Variants in DMD observed in about 807,000 individuals in gnomAD.
DMD encodes mutant dystrophin.
A neutral mutation model predicts 330.1 loss-of-function variants in DMD; 63 were observed. The observed-to-expected ratio is 0.19, with a 90% CI of 0.16 to 0.24. DMD has a LOEUF of 0.24. Among genes scored for constraint, DMD ranks in the 10% least tolerant of loss-of-function variants. The pLI, the probability that DMD is intolerant of heterozygous loss-of-function variation, is 1.00. For missense variants in DMD, 3,344 were observed against 2,684.1 expected, an observed-to-expected ratio of 1.25 and a Z score of -5.43; for synonymous variants, 1,223 against 959.8, an observed-to-expected ratio of 1.27 and a Z score of -5.07.
chrX:31,359,877 T>A (rs2058847680), intron 60 of DMD, among the ~76,000 whole-genome samples: 1 of 112,116 alleles, frequency 8.9e-6, no homozygotes, highest in Non-Finnish European at 1.9e-5. Flanking sequence ...GCACTCGGTA[T>A]GTACTCATTT....
At chrX:31,381,542 G>A (rs942512774) in intron 60 of DMD, among the ~76,000 whole-genome samples, 3 of 111,411 alleles carry the variant, frequency 2.7e-5, no homozygotes, top group Non-Finnish European at 5.6e-5. Context: ...AATTACCATT[G>A]TTCCTGGCCC....
chrX:32,743,941 T>A (rs889811341), intron 7 of DMD, among the ~76,000 whole-genome samples: 1 of 111,442 alleles, frequency 9.0e-6, no homozygotes, highest in African/African-American at 3.3e-5. Context: ...AAAAAATATA[T>A]ACCTAAAATA....
At chrX:31,901,702 A>C (rs1329248836) in intron 47 of DMD, among the ~76,000 whole-genome samples, 2 of 111,813 alleles carry the variant, frequency 1.8e-5, no homozygotes, top group Non-Finnish European at 3.8e-5. Flanking sequence ...ACAACATCTT[A>C]TTAATATGAC....
At chrX:32,563,624 T>C (rs2051332053) in intron 16 of DMD, among the ~76,000 whole-genome samples, 1 of 111,595 alleles carries the variant, frequency 9.0e-6, no homozygotes, top group Non-Finnish European at 1.9e-5. Flanking sequence ...GCCTAGGTGG[T>C]GGTCTCATAA....
chrX:32,861,713 C>T (rs1158956233), intron 2 of DMD, among the ~76,000 whole-genome samples: 3 of 111,740 alleles, frequency 2.7e-5, no homozygotes. Flanking sequence ...CTCTCCCTCT[C>T]TTACCAAGGC....
At chrX:32,963,936 A>C (rs1266519309) in intron 2 of DMD, among the ~76,000 whole-genome samples, 1 of 111,587 alleles carries the variant, frequency 9.0e-6, no homozygotes, top group Non-Finnish European at 1.9e-5. Context: ...CAAAACAAAC[A>C]ACTGGATGAT....
intron 1 of DMD, among the ~76,000 whole-genome samples, chrX:33,088,206 G>A (rs2095035291): frequency 9.0e-6 from 1 of 110,858 alleles, no homozygotes; most frequent in African/African-American, 3.3e-5. Flanking sequence ...CAGGCATGCA[G>A]CTAATTTTTC....
chrX:31,724,839 A>T (rs2085891669), intron 52 of DMD, among the ~76,000 whole-genome samples: 1 of 112,037 alleles, frequency 8.9e-6, no homozygotes, highest in African/African-American at 3.2e-5. Context: ...AGATGAGAGA[A>T]CCACAGTTTA....
intron 55 of DMD, among the ~76,000 whole-genome samples, chrX:31,599,035 G>A (rs931201024): frequency 8.9e-6 from 1 of 111,843 alleles, no homozygotes; most frequent in Non-Finnish European, 1.9e-5. Context: ...TTTATGCGAT[G>A]TATAGAAAGA....
At chrX:32,496,857 C>T (rs376260677) in intron 19 of DMD, among the ~76,000 whole-genome samples, 18 of 112,208 alleles carry the variant, frequency 1.6e-4, no homozygotes, top group African/African-American at 5.5e-4. Context: ...AATCAAACTG[C>T]CCAGTACTGA....
At chrX:32,500,625 C>G (rs915074610) in intron 19 of DMD, among the ~76,000 whole-genome samples, 1 of 111,590 alleles carries the variant, frequency 9.0e-6, no homozygotes, top group Non-Finnish European at 1.9e-5. Context: ...TTTTATTTAA[C>G]ATGAATATGC....
chrX:31,914,887 A>G (rs777808085), intron 47 of DMD, among the ~76,000 whole-genome samples: 21 of 112,537 alleles, frequency 1.9e-4, no homozygotes, highest in Non-Finnish European at 3.0e-4. Context: ...ATAAGAGTAT[A>G]ATTGGATTGT....
At chrX:32,100,726 GTT>G (rs2096536106) in intron 44 of DMD, among the ~76,000 whole-genome samples, 2 of 110,908 alleles carry the variant, frequency 1.8e-5, no homozygotes, top group South Asian at 7.6e-4. Context: ...TTAGCTTTCT[GTT>G]TTGTTTGTTC....
At chrX:32,405,049 G>A (rs1410166910) in intron 30 of DMD, among the ~76,000 whole-genome samples, 1 of 111,793 alleles carries the variant, frequency 8.9e-6, no homozygotes, top group Non-Finnish European at 1.9e-5. Context: ...AGTCATAGAA[G>A]AGAATCTTTA....
At chrX:32,735,020 T>C (rs998888559) in intron 7 of DMD, among the ~76,000 whole-genome samples, 15 of 111,055 alleles carry the variant, frequency 1.4e-4, no homozygotes, top group African/African-American at 4.0e-4. Flanking sequence ...AAAACCCCAC[T>C]GTCTCAGCCT....
chrX:31,750,400 G>A (rs1191552781), intron 51 of DMD, among the ~76,000 whole-genome samples: 3 of 109,164 alleles, frequency 2.7e-5, no homozygotes, highest in Non-Finnish European at 5.7e-5. Flanking sequence ...ATTAAATAGG[G>A]AATCCTTTCC....
rs151307551 is a variant in DMD at position 31,674,475 on chromosome X, T to C, written c.7872+4900A>G. On this transcript the variant is annotated intron_variant, in intron 53 of 78. Transcript: ENST00000357033. Reference sequence around the variant, plus strand: ...AAAGTATTGAATTTCTTGCTTCAGATAGTTTTCAATATTATATAGCCAAAT... The same window carrying C: ...AAAGTATTGAATTTCTTGCTTCAGACAGTTTTCAATATTATATAGCCAAAT... Among the ~76,000 whole-genome samples the C allele has an allele frequency of 7.1e-4, 80 of 112,445 alleles. No homozygotes were observed. In the East Asian group the frequency reaches 0.02, roughly 28 times the overall value.
At chrX:32,573,476 A>T (rs1350972279) in intron 15 of DMD, 54 bp downstream of exon 15, 42 of 931,152 alleles carry the variant, frequency 4.5e-5, no homozygotes, top group Non-Finnish European at 6.2e-5. Context: ...AATAATAGTG[A>T]TAATATACAG....
At chrX:31,688,016 T>G (rs761281252) in intron 52 of DMD, among the ~76,000 whole-genome samples, 1 of 111,312 alleles carries the variant, frequency 9.0e-6, no homozygotes, top group African/African-American at 3.3e-5. Flanking sequence ...CCAATAACTC[T>G]TAGATTGACC....
Sources: gnomAD v4.1 joint callset for allele counts (sites outside exome capture counted in the v4.1 genomes callset) on GRCh38, gnomAD v4.1.1 for gene constraint, MANE v1.5 for transcripts, NCBI Gene and HGNC (gene_info 2026-07-23, HGNC 2026-07-21) for gene names.